Variants in MARCHF8 observed in about 807,000 individuals in gnomAD.
MARCHF8 encodes the protein E3 ubiquitin-protein ligase MARCHF8.
Under a neutral mutation model 51.6 loss-of-function variants are expected in MARCHF8, and 40 were observed. The observed-to-expected ratio is 0.77, with a 90% confidence interval of 0.60 to 1.01. The LOEUF (loss-of-function observed/expected upper bound fraction) is 1.01, where lower values mean the gene tolerates loss of function less well. MARCHF8 is among the 50% of genes least tolerant of loss of function. MARCHF8 has a pLI of 0.00. For synonymous variants in MARCHF8, 263 were observed against 280.3 expected (o/e 0.94, Z 0.62); for missense variants, 685 against 708.6 (o/e 0.97, Z 0.38).
At chr10:45,530,817 C>T (rs1013900970) in intron 2 of MARCHF8, among the ~76,000 whole-genome samples, 5 of 151,750 alleles carry the variant, frequency 3.3e-5, no homozygotes, top group Non-Finnish European at 5.9e-5. Flanking sequence ...TAAAACTGAC[C>T]GAAGTGAGGG....
chr10:45,474,959 G>A (rs2042759680), intron 3 of MARCHF8, among the ~76,000 whole-genome samples: 1 of 152,186 alleles, frequency 6.6e-6, no homozygotes, highest in South Asian at 2.1e-4. Context: ...CTCCAGGGAG[G>A]GAGCTCGTGA....
intron 1 of MARCHF8, among the ~76,000 whole-genome samples, chr10:45,548,851 CGA>C (rs1233610676): frequency 1.3e-5 from 2 of 151,890 alleles, no homozygotes; most frequent in Non-Finnish European, 2.9e-5. Context: ...AGAAATTAGC[CGA>C]GAGTAGTGGC....
intron 2 of MARCHF8, among the ~76,000 whole-genome samples, chr10:45,508,333 TAAAAA>T (rs35317640): frequency 2.1e-5 from 2 of 94,914 alleles, no homozygotes; most frequent in Non-Finnish European, 2.2e-5. Context: ...TCTTTCACAG[TAAAAA>T]AAAAAAAAAA....
intron 1 of MARCHF8, among the ~76,000 whole-genome samples, chr10:45,588,169 A>T (rs2044637880): frequency 6.6e-6 from 1 of 152,108 alleles, no homozygotes. Flanking sequence ...AAAAGTAAAA[A>T]AAAAAAAAGA....
At chr10:45,539,726 TG>T (rs1356873057), upstream of MARCHF8, among the ~76,000 whole-genome samples, 1 of 152,036 alleles carries the variant, frequency 6.6e-6, no homozygotes, top group Non-Finnish European at 1.5e-5. Flanking sequence ...CTAGAAGAAA[TG>T]GATAAAGTCA....
At chr10:45,492,655 C>T (rs1317155799) in intron 2 of MARCHF8, among the ~76,000 whole-genome samples, 1 of 152,180 alleles carries the variant, frequency 6.6e-6, no homozygotes, top group African/African-American at 2.4e-5. Context: ...TGCAGGACAA[C>T]ATCAGAGATA....
intron 2 of MARCHF8, among the ~76,000 whole-genome samples, chr10:45,519,432 T>C (rs1388350837): frequency 6.6e-6 from 1 of 152,200 alleles, no homozygotes; most frequent in Non-Finnish European, 1.5e-5. Context: ...AGTAGACTAC[T>C]GCAATAATCT....
chr10:45,530,554 G>C (rs918661393), intron 2 of MARCHF8, among the ~76,000 whole-genome samples: 3 of 152,142 alleles, frequency 2.0e-5, no homozygotes, highest in Admixed American at 1.3e-4. Flanking sequence ...GGCCAAGATG[G>C]GAGGATTGCT....
intron 1 of MARCHF8, among the ~76,000 whole-genome samples, chr10:45,574,962 T>C (rs1234695631): frequency 7.5e-6 from 1 of 133,694 alleles, no homozygotes; most frequent in Non-Finnish European, 1.6e-5. Flanking sequence ...CATGCTGTTA[T>C]ATAGGCAAAA....
chr10:45,477,826 CATT>C (rs1489424057), intron 3 of MARCHF8, among the ~76,000 whole-genome samples: 1 of 152,116 alleles, frequency 6.6e-6, no homozygotes, highest in Non-Finnish European at 1.5e-5. Context: ...CAAAGAGAGT[CATT>C]ATATAATAAC....
At chr10:45,473,248 C>A (rs2042727112) in intron 3 of MARCHF8, among the ~76,000 whole-genome samples, 1 of 152,140 alleles carries the variant, frequency 6.6e-6, no homozygotes, top group Non-Finnish European at 1.5e-5. Flanking sequence ...GATGTGCTTG[C>A]CAAGCAATAG....
intron 2 of MARCHF8, 83 bp from the exon 3 acceptor site, chr10:45,489,500 C>A: frequency 8.2e-7 from 1 of 1,224,794 alleles, no homozygotes; most frequent in Non-Finnish European, 1.2e-6. Context: ...AACAACCCTA[C>A]TGACAAATCA....
Position 45,518,098 on chromosome 10 carries a change from C to T in MARCHF8, c.102+15012G>A, listed in dbSNP as rs186989925. 8.6e-4 allele frequency among the ~76,000 whole-genome samples: 131 copies of T among 152,278 alleles called. 3 individuals are homozygous for T. In the South Asian group the frequency reaches 0.015, roughly 18 times the overall value. On this transcript the variant is annotated intron_variant, in intron 2 of 7. Transcript: ENST00000453424. ...AATACAAGAGGTGATGAGTGCACAT[C>T]GTATCTCAGGTGTCTCATAAAGAAT...
chr10:45,577,477 C>T (rs1185785790), intron 1 of MARCHF8, among the ~76,000 whole-genome samples: 1 of 152,004 alleles, frequency 6.6e-6, no homozygotes, highest in Non-Finnish European at 1.5e-5. Context: ...ATCTCATGCA[C>T]CTCACAAATA....
chr10:45,593,581 G>C (rs370867223), intron 1 of MARCHF8: 1 of 152,084 alleles, frequency 6.6e-6, no homozygotes, highest in Non-Finnish European at 1.5e-5. Flanking sequence ...TAACCCATTC[G>C]GTTGGCCTCA....
chr10:45,454,791 C>T lies in MARCHF8; in HGVS notation c.*3448G>A, dbSNP rs1389135243. ...AGTGCCTTTTAGAAACTACACCACA[C>T]ATGCCAGTGTAAATTTGGTTTAACA... On this transcript the variant is annotated 3_prime_UTR_variant, in exon 8 of 8. Coordinates refer to ENST00000453424, the MANE Select transcript of MARCHF8 (RefSeq NM_001282866.2). 4 of 152,214 alleles carry T rather than the reference C, an allele frequency of 2.6e-5. No homozygotes were observed. Among genetic ancestry groups the T allele is most frequent in the Admixed American group, 1.3e-4 (2 of 15,286 alleles). The allele number at this position is 152,214 out of a possible 1,614,324, so 9.4% of individuals were successfully genotyped here. A position where few individuals can be genotyped will look rare whatever the true frequency, so the allele number is the denominator to read the frequency against.
intron 1 of MARCHF8, among the ~76,000 whole-genome samples, chr10:45,578,182 AT>A (rs1462355833): frequency 1.3e-5 from 2 of 152,104 alleles, no homozygotes; most frequent in African/African-American, 4.8e-5. Context: ...TCCAAATACC[AT>A]TTTTTCCTCA....
intron 2 of MARCHF8, among the ~76,000 whole-genome samples, chr10:45,492,788 C>T (rs1280433031): frequency 1.3e-5 from 2 of 152,216 alleles, no homozygotes; most frequent in Non-Finnish European, 2.9e-5. Flanking sequence ...AATCTCACTC[C>T]TAACCATATG....
chr10:45,554,703 G>A (rs781584334), intron 1 of MARCHF8, among the ~76,000 whole-genome samples: 5 of 152,108 alleles, frequency 3.3e-5, no homozygotes, highest in Middle Eastern at 3.2e-3. Context: ...GGGGATCACC[G>A]GAGGTCGGGA....
Sources: allele counts gnomAD v4.1 joint callset (sites outside exome capture counted in the v4.1 genomes callset), GRCh38; gene constraint gnomAD v4.1.1; transcripts MANE v1.5; gene names NCBI Gene and HGNC (gene_info 2026-07-23, HGNC 2026-07-21).